Variants in B4GALT2 observed in about 807,000 individuals in gnomAD.
The protein encoded by B4GALT2 is beta-1,4-galactosyltransferase 2.
A neutral mutation model predicts 33.2 loss-of-function variants in B4GALT2; 18 were observed. The ratio of observed to expected loss-of-function variants is 0.54; its 90% CI spans 0.38 to 0.80. The LOEUF (loss-of-function observed/expected upper bound fraction) is 0.80. Ranked by LOEUF, B4GALT2 falls within the 30% of genes least tolerant of loss-of-function variation. The probability of loss-of-function intolerance (pLI) is 0.00; values close to 1 mark genes in which losing one functional copy is unlikely to be tolerated. For synonymous variants in B4GALT2, 214 were observed against 217.6 expected, an observed-to-expected ratio of 0.98 and a Z score of 0.15; for missense variants, 404 against 526.2, an observed-to-expected ratio of 0.77 and a Z score of 2.27.
Position 43,984,903 on chromosome 1 carries a change from C to A in B4GALT2, c.588C>A (p.Asn196Lys). The A allele has an allele frequency of 6.2e-7, 1 of 1,614,026 alleles. No homozygotes were observed. The highest frequency in any genetic ancestry group is 1.1e-5 in the South Asian group (1 of 91,082). Reference protein sequence around the residue: ...EDTFNRAKLLNVGFLEALKED... With the variant: ...EDTFNRAKLLKVGFLEALKED... ...CCTTCAACCGGGCCAAGCTGCTTAA[C>A]GTGGGCTTCCTAGAGGCGCTGAAGG... Residue 196 changes from asparagine (N) to lysine (K), a missense_variant, in exon 4 of 7, where the codon AAC (asparagine) becomes AAA (lysine). Asn to Lys is a moderately conservative substitution (Grantham distance 94). Transcript: ENST00000372324. The surrounding 1 kb of genome is among the most constrained non-coding windows in gnomAD (Gnocchi z 5.6).
At chr1:43,988,356 C>CA (rs59935883) in intron 6 of B4GALT2, among the ~76,000 whole-genome samples, 25,598 of 73,720 alleles carry the variant, frequency 0.35, 3,505 homozygotes, top group African/African-American at 0.51. Flanking sequence ...ACCAAAAATA[C>CA]AAAAAAAAAA....
chr1:43,981,209 C>T lies in B4GALT2; in HGVS notation c.49C>T (p.Leu17Phe). Residue 17 changes from leucine to phenylalanine, a missense_variant, in exon 2 of 7, where the codon CTC becomes TTC. Coordinates refer to ENST00000372324, the MANE Select transcript of B4GALT2 (RefSeq NM_003780.5). This position sits in a 1 kb window ranked among gnomAD's most constrained non-coding sequence, Gnocchi z 8.1. Reference sequence around the variant, plus strand: ...GCTGGAGCGCGTCTGCAAGGCTGTGCTCCTTCTCTGCCTGCTGCACTTCCT... The same window carrying T: ...GCTGGAGCGCGTCTGCAAGGCTGTGTTCCTTCTCTGCCTGCTGCACTTCCT... The part of the protein sequence containing the change: ...GTLERVCKAV[L>F]LLCLLHFLVA... 1 of 1,603,550 alleles carries T rather than the reference C, an allele frequency of 6.2e-7. No homozygotes were observed.
At chr1:43,985,760 T>G in intron 6 of B4GALT2, 139 bp downstream of exon 6, 1 of 747,806 alleles carries the variant, frequency 1.3e-6, no homozygotes. Flanking sequence ...TGACTCCCAG[T>G]GCCACTGATT....
chr1:43,989,612 G>A (rs2154303464), intron 6 of B4GALT2, among the ~76,000 whole-genome samples: 1 of 152,320 alleles, frequency 6.6e-6, no homozygotes, highest in East Asian at 1.9e-4. Context: ...ACCTTGGGGT[G>A]GAGACTTAAT....
At chr1:43,987,724 T>A (rs1301993551) in intron 6 of B4GALT2, among the ~76,000 whole-genome samples, 1 of 152,178 alleles carries the variant, frequency 6.6e-6, no homozygotes, top group Non-Finnish European at 1.5e-5. Flanking sequence ...CACATTTCAT[T>A]CTGTGAGAAT....
chr1:43,987,448 CTG>C (rs1379509818), intron 6 of B4GALT2, among the ~76,000 whole-genome samples: 3 of 152,174 alleles, frequency 2.0e-5, no homozygotes, highest in Non-Finnish European at 4.4e-5. Context: ...AGTTCACAAA[CTG>C]TGAACTCTCT....
intron 6 of B4GALT2, 141 bp downstream of exon 6, chr1:43,985,762 C>T: frequency 2.7e-6 from 2 of 734,546 alleles, no homozygotes; most frequent in Non-Finnish European, 2.3e-6. Flanking sequence ...ACTCCCAGTG[C>T]CACTGATTCC....
intron 6 of B4GALT2, among the ~76,000 whole-genome samples, chr1:43,986,559 A>T (rs77174564): frequency 7.0e-4 from 106 of 152,342 alleles, no homozygotes; most frequent in Non-Finnish European, 8.8e-4. Context: ...TATGATACAT[A>T]CCGAGAGTCT....
Position 43,981,203 on chromosome 1 carries a change from G to T in B4GALT2, c.43G>T (p.Ala15Ser). 6.2e-7 allele frequency: 1 copy of T among 1,602,864 alleles called. No individual in the cohort carries two copies. Among genetic ancestry groups the T allele is most frequent in the Non-Finnish European group, 8.5e-7 (1 of 1,179,852 alleles). Residue 15 changes from alanine to serine, a missense_variant, in exon 2 of 7, where the codon GCT becomes TCT. Coordinates refer to ENST00000372324, the MANE Select transcript of B4GALT2 (RefSeq NM_003780.5). The surrounding 1 kb of genome is among the most constrained non-coding windows in gnomAD (Gnocchi z 8.1). Reference sequence around the variant, plus strand: ...GGGGACGCTGGAGCGCGTCTGCAAGGCTGTGCTCCTTCTCTGCCTGCTGCA... The same window carrying T: ...GGGGACGCTGGAGCGCGTCTGCAAGTCTGTGCTCCTTCTCTGCCTGCTGCA... ...LGGTLERVCKAVLLLCLLHFL... is the reference protein window; with the variant it reads ...LGGTLERVCKSVLLLCLLHFL...
Position 43,979,949 on chromosome 1 carries a change from C to G in B4GALT2, c.-53+438C>G. The G allele has an allele frequency of 6.6e-7, 1 of 1,522,396 alleles. No individual in the cohort carries two copies. Among genetic ancestry groups the G allele is most frequent in the Non-Finnish European group, 8.8e-7 (1 of 1,138,664 alleles). 94.3% of individuals were successfully genotyped at this position (1,522,396 alleles called of 1,614,324 possible). On this transcript the variant is annotated intron_variant, in intron 1 of 6. Transcript: ENST00000372324. This position sits in a 1 kb window ranked among gnomAD's most constrained non-coding sequence, Gnocchi z 4.8. Reference sequence around the variant, plus strand: ...CCAGCCTGACCCAGAACCCCTGCGCCGGAGGGAGGGTGGGAATGTCTGCAC... The same window carrying G: ...CCAGCCTGACCCAGAACCCCTGCGCGGGAGGGAGGGTGGGAATGTCTGCAC...
intron 6 of B4GALT2, 129 bp from the exon 7 acceptor site, chr1:43,990,169 C>A (rs2085711337): frequency 1.7e-6 from 2 of 1,179,850 alleles, no homozygotes; most frequent in Non-Finnish European, 1.2e-6. Flanking sequence ...TAGCTGGAAA[C>A]CCTGTTTTTA....
intron 6 of B4GALT2, among the ~76,000 whole-genome samples, chr1:43,988,532 C>T (rs1184924767): frequency 4.6e-5 from 7 of 151,404 alleles, no homozygotes; most frequent in Non-Finnish European, 8.8e-5. Context: ...TGGTGGTGGG[C>T]GCCTGTAATC....
At chr1:43,983,582 C>A (rs545600973) in intron 3 of B4GALT2, among the ~76,000 whole-genome samples, 1 of 152,064 alleles carries the variant, frequency 6.6e-6, no homozygotes, top group African/African-American at 2.4e-5. Flanking sequence ...AAGAAGGAAT[C>A]GGATTTGACG....
chr1:43,980,756 C>T, intron 1 of B4GALT2: 1 of 402,420 alleles, frequency 2.5e-6, no homozygotes, highest in Non-Finnish European at 4.1e-6. Flanking sequence ...TGCTTAGGTA[C>T]AAACCAGTGT....
In B4GALT2 at chr1:43,981,175, G is replaced by C. The variant is rs527442282; in HGVS notation, c.15G>C (p.Leu5=). Residue 5 remains leucine (L), a synonymous_variant, in exon 2 of 7, where the codon CTG becomes CTC. Coordinates refer to ENST00000372324, the MANE Select transcript of B4GALT2 (RefSeq NM_003780.5). The surrounding 1 kb of genome is among the most constrained non-coding windows in gnomAD (Gnocchi z 8.1). MSRL[L]GGTLERVCKA... ...CCGCCTGCGGGATGAGCAGACTGCT[G>C]GGGGGGACGCTGGAGCGCGTCTGCA... The C allele has an allele frequency of 4.4e-6, 7 of 1,599,718 alleles. No homozygotes were observed. The highest frequency in any genetic ancestry group is 1.1e-5 in the South Asian group (1 of 91,068).
In B4GALT2 at chr1:43,984,639, G is replaced by A. The variant is rs2085635178; in HGVS notation, c.550-226G>A. 6.6e-6 allele frequency among the ~76,000 whole-genome samples: 1 copy of A among 152,212 alleles called. No homozygotes were observed. Among genetic ancestry groups the A allele is most frequent in the South Asian group, 2.1e-4 (1 of 4,828 alleles). On this transcript the variant is annotated intron_variant, in intron 3 of 6. Transcript: ENST00000372324. The surrounding 1 kb of genome is among the most constrained non-coding windows in gnomAD (Gnocchi z 5.6). Reference sequence around the variant, plus strand: ...GGCTGCTGAGGGATGTTGTGTGGCTGGGCCTCGGGACCTGAGGGCAGTGGC... The same window carrying A: ...GGCTGCTGAGGGATGTTGTGTGGCTAGGCCTCGGGACCTGAGGGCAGTGGC...
Position 43,984,381 on chromosome 1 carries a change from G to T in B4GALT2, c.550-484G>T, listed in dbSNP as rs1236933760. ...AGGGCTGGCCATCTCCAGAATCCCC[G>T]CTAGCACAAAGGAGAGAGCGCCACA... On this transcript the variant is annotated intron_variant, in intron 3 of 6. Transcript: ENST00000372324. This position sits in a 1 kb window ranked among gnomAD's most constrained non-coding sequence, Gnocchi z 5.6. Among the ~76,000 whole-genome samples the T allele has an allele frequency of 6.6e-6, 1 of 152,246 alleles. No individual in the cohort carries two copies.
At position 43,985,385 on chromosome 1, in the gene B4GALT2, A is replaced by G; in HGVS notation, c.848A>G (p.Asp283Gly). 2 of 1,508,498 alleles carry G rather than the reference A, an allele frequency of 1.3e-6. No homozygotes were observed. The highest frequency in any genetic ancestry group is 1.8e-6 in the Non-Finnish European group (2 of 1,119,380). 93.4% of individuals were successfully genotyped at this position (1,508,498 alleles called of 1,614,324 possible). Residue 283 changes from aspartate (D) to glycine (G), a missense_variant, in exon 5 of 7, where the codon GAT becomes GGT. Physicochemically the swap from Asp to Gly is moderately conservative, Grantham distance 94. Transcript: ENST00000372324. ...NEYWGWGGED[D>G]DIFNRISLTG... is the part of the protein sequence containing the mutation. Reference sequence around the variant, plus strand: ...TACTGGGGCTGGGGTGGCGAGGATGATGACATCTTCAACCGGTGAGTAAGC... The same window carrying G: ...TACTGGGGCTGGGGTGGCGAGGATGGTGACATCTTCAACCGGTGAGTAAGC...
At chr1:43,983,810 G>C (rs2486004) in intron 3 of B4GALT2, among the ~76,000 whole-genome samples, 2,009 of 152,266 alleles carry the variant, frequency 0.013, 51 homozygotes, top group African/African-American at 0.046. Flanking sequence ...GTCTCTCCAA[G>C]GGCTGGGGGA....
Sources: gnomAD v4.1 joint callset for allele counts (sites outside exome capture counted in the v4.1 genomes callset) on GRCh38, gnomAD v4.1.1 for gene constraint, Gnocchi (gnomAD v3.1) non-coding constraint, MANE v1.5 for transcripts, NCBI Gene and HGNC (gene_info 2026-07-23, HGNC 2026-07-21) for gene names.